Variants in STIM1 observed in about 807,000 individuals in gnomAD.
The protein encoded by STIM1 is stromal interaction molecule 1.
In STIM1, 25 loss-of-function variants were observed where a neutral mutation model predicts 74.7. That is an observed-to-expected ratio of 0.33 (90% CI 0.24 to 0.47). The LOEUF (loss-of-function observed/expected upper bound fraction) is 0.47, where lower values mean the gene tolerates loss of function less well. Ranked by LOEUF, STIM1 falls within the 20% of genes least tolerant of loss-of-function variation. The probability of loss-of-function intolerance (pLI) is 1.00; values close to 1 mark genes in which losing one functional copy is unlikely to be tolerated. For synonymous variants in STIM1, 328 were observed against 348.8 expected, an observed-to-expected ratio of 0.94 and a Z score of 0.66; for missense variants, 728 against 920.8, an observed-to-expected ratio of 0.79 and a Z score of 2.71.
At chr11:3,980,190 A>G (rs754421048) in intron 2 of STIM1, among the ~76,000 whole-genome samples, 8 of 152,228 alleles carry the variant, frequency 5.3e-5, no homozygotes, top group Non-Finnish European at 7.3e-5. Flanking sequence ...AGCTGATTAC[A>G]TATAAAGTTT....
At chr11:3,942,272 G>A (rs12801358) in intron 1 of STIM1, among the ~76,000 whole-genome samples, 3,004 of 152,236 alleles carry the variant, frequency 0.02, 43 homozygotes, top group Non-Finnish European at 0.03. Flanking sequence ...AGCACTAATG[G>A]CCATATAATA....
At chr11:4,024,023 G>A in intron 3 of STIM1, 36 bp downstream of exon 3, 2 of 1,578,826 alleles carry the variant, frequency 1.3e-6, no homozygotes, top group Non-Finnish European at 1.7e-6. Flanking sequence ...CTAGTTGTGG[G>A]AAGGTTTAGA....
At chr11:4,087,003 T>C in intron 12 of STIM1, 1 of 1,284,022 alleles carries the variant, frequency 7.8e-7, no homozygotes, top group Admixed American at 2.9e-5. Flanking sequence ...TTCCCAGCTC[T>C]GGGATTCCTT....
At chr11:4,030,155 C>A (rs557056901) in intron 3 of STIM1, among the ~76,000 whole-genome samples, 1 of 151,862 alleles carries the variant, frequency 6.6e-6, no homozygotes, top group Non-Finnish European at 1.5e-5. Context: ...ATGGTGAAAC[C>A]CTGTCTCTAT....
chr11:3,911,046 AG>A (rs1166121424), intron 1 of STIM1, among the ~76,000 whole-genome samples: 4 of 152,110 alleles, frequency 2.6e-5, no homozygotes, highest in Non-Finnish European at 5.9e-5. Context: ...ATCCTGCTGG[AG>A]TCTGTGGGAT....
intron 3 of STIM1, among the ~76,000 whole-genome samples, chr11:4,034,565 A>G (rs1471007187): frequency 6.6e-6 from 1 of 152,168 alleles, no homozygotes; most frequent in Non-Finnish European, 1.5e-5. Context: ...GTCTTTGTTC[A>G]TGAAGGATAC....
At chr11:4,077,619 C>G (rs1420041121) in intron 7 of STIM1, among the ~76,000 whole-genome samples, 1 of 152,108 alleles carries the variant, frequency 6.6e-6, no homozygotes, top group Admixed American at 6.5e-5. Flanking sequence ...AAATATACTT[C>G]TGCTCCATTC....
chr11:4,072,795 GAGTAC>G (rs1280200756), intron 6 of STIM1, among the ~76,000 whole-genome samples: 3 of 152,210 alleles, frequency 2.0e-5, no homozygotes, highest in Non-Finnish European at 4.4e-5. Context: ...GGTCATGGAA[GAGTAC>G]AGTAAAGGAG....
At chr11:3,915,675 G>T (rs1345256733) in intron 1 of STIM1, among the ~76,000 whole-genome samples, 1 of 152,088 alleles carries the variant, frequency 6.6e-6, no homozygotes, top group African/African-American at 2.4e-5. Context: ...GGGATTATAG[G>T]CATGAGCCAC....
intron 1 of STIM1, among the ~76,000 whole-genome samples, chr11:3,956,686 A>G (rs2093217489): frequency 6.6e-6 from 1 of 152,044 alleles, no homozygotes; most frequent in African/African-American, 2.4e-5. Context: ...GTCTGGGCAC[A>G]GTGGCTCATG....
At chr11:3,967,104 T>C (rs2093347154) in intron 1 of STIM1, among the ~76,000 whole-genome samples, 1 of 152,220 alleles carries the variant, frequency 6.6e-6, no homozygotes, top group Admixed American at 6.5e-5. Flanking sequence ...CTGGGACTAA[T>C]TGGCTGTTGT....
chr11:3,940,453 C>T lies in STIM1; in HGVS notation c.140-27099C>T, dbSNP rs1320443717. Among the ~76,000 whole-genome samples the T allele has an allele frequency of 2.0e-5, 3 of 152,136 alleles. 1 individual carries two copies. The highest frequency in any genetic ancestry group is 4.2e-4 in the South Asian group (2 of 4,816). On this transcript the variant is annotated intron_variant, in intron 1 of 12. Transcript: ENST00000526596. ...GAGTGTATGCTTTAGAACTGTAGGC[C>T]ATTGGCAAGTTAACATAATTCTCTG... is the stretch of plus-strand genomic sequence containing the variant.
At chr11:3,974,482 C>T (rs753142934) in intron 2 of STIM1, among the ~76,000 whole-genome samples, 3 of 148,570 alleles carry the variant, frequency 2.0e-5, no homozygotes, top group Non-Finnish European at 4.4e-5. Flanking sequence ...TCAAGACCAG[C>T]CTGGACAACA....
At chr11:4,024,022 G>A (rs758632678) in intron 3 of STIM1, 35 bp downstream of exon 3, 12 of 1,582,036 alleles carry the variant, frequency 7.6e-6, no homozygotes, top group Middle Eastern at 1.7e-4. Context: ...CCTAGTTGTG[G>A]GAAGGTTTAG....
chr11:3,937,383 T>C (rs2092947468), intron 1 of STIM1, among the ~76,000 whole-genome samples: 1 of 152,108 alleles, frequency 6.6e-6, no homozygotes, highest in African/African-American at 2.4e-5. Context: ...GCTGTTCTTC[T>C]TCCCTCTTTC....
intron 1 of STIM1, among the ~76,000 whole-genome samples, chr11:3,966,565 C>A (rs1428181644): frequency 1.3e-5 from 2 of 152,168 alleles, no homozygotes; most frequent in Non-Finnish European, 2.9e-5. Context: ...CTTTGAGGGT[C>A]ATCTGAAGAG....
At chr11:4,073,836 G>A (rs1179593205) in intron 6 of STIM1, among the ~76,000 whole-genome samples, 3 of 152,174 alleles carry the variant, frequency 2.0e-5, no homozygotes, top group African/African-American at 7.2e-5. Flanking sequence ...ACTCTCCTGA[G>A]TCCTTTGGCA....
At chr11:3,997,239 G>C (rs554627977) in intron 2 of STIM1, among the ~76,000 whole-genome samples, 3 of 152,204 alleles carry the variant, frequency 2.0e-5, no homozygotes, top group South Asian at 2.1e-4. Flanking sequence ...GGGATTCTCT[G>C]TATCTATGTA....
intron 2 of STIM1, among the ~76,000 whole-genome samples, chr11:4,020,156 G>A (rs141879854): frequency 6.6e-6 from 1 of 152,170 alleles, no homozygotes; most frequent in African/African-American, 2.4e-5. Flanking sequence ...TGAATGGTAT[G>A]CTGTTGTGTA....
Sources: gnomAD v4.1 joint callset for allele counts (sites outside exome capture counted in the v4.1 genomes callset) on GRCh38, gnomAD v4.1.1 for gene constraint, MANE v1.5 for transcripts, NCBI Gene and HGNC (gene_info 2026-07-23, HGNC 2026-07-21) for gene names.